CELF2: variants seen among roughly 807,000 people sequenced by gnomAD.
CELF2 encodes the protein CUGBP Elav-like family member 2, also known as CUG triplet repeat RNA-binding protein 2.
Under a neutral mutation model 62.6 loss-of-function variants are expected in CELF2, and 8 were observed. The ratio of observed to expected loss-of-function variants is 0.13; its 90% confidence interval spans 0.07 to 0.23. The LOEUF is 0.23. CELF2 is among the 10% of genes least tolerant of loss of function. CELF2 has a pLI of 1.00. For missense variants in CELF2, 333 were observed against 671.0 expected (o/e 0.50, Z 5.56); for synonymous variants, 258 against 250.0 (o/e 1.03, Z -0.30).
intron 1 of CELF2, among the ~76,000 whole-genome samples, chr10:10,897,331 T>C (rs1355589618): frequency 2.6e-5 from 4 of 152,116 alleles, no homozygotes; most frequent in African/African-American, 9.7e-5. Flanking sequence ...TGAATTGCCT[T>C]GTAGGGTCCG....
Position 11,165,174 on chromosome 10 carries a change from G to T in CELF2, c.75-312G>T. 1 of 1,210,454 alleles carries T rather than the reference G, an allele frequency of 8.3e-7. No individual in the cohort carries two copies. The highest frequency in any genetic ancestry group is 1.0e-6 in the Non-Finnish European group (1 of 965,218). The allele number at this position is 1,210,454 out of a possible 1,614,324, so 75.0% of individuals were successfully genotyped here. ...ATGGCAGCCTTGCAGAGCTAGACCT[G>T]CACTTAACTTGCAGCTGCCTCCCGA... On this transcript the variant is annotated intron_variant, in intron 1 of 12. Transcript: ENST00000633077. This position sits in a 1 kb window ranked among gnomAD's most constrained non-coding sequence, Gnocchi z 7.4.
intron 1 of CELF2, among the ~76,000 whole-genome samples, chr10:11,063,389 C>T (rs2067291696): frequency 6.6e-6 from 1 of 152,158 alleles, no homozygotes; most frequent in Non-Finnish European, 1.5e-5. Flanking sequence ...CATGACTTAT[C>T]TATAAAATCT....
intron 1 of CELF2, among the ~76,000 whole-genome samples, chr10:11,099,881 C>CAAA (rs1554835241): frequency 4.5e-5 from 6 of 133,756 alleles, no homozygotes; most frequent in East Asian, 2.5e-4. Context: ...ACAACAACAA[C>CAAA]AACAAAAAAA....
upstream of CELF2, among the ~76,000 whole-genome samples, chr10:11,004,345 A>T (rs12250827): frequency 8.6e-3 from 1,304 of 152,172 alleles, 23 homozygotes; most frequent in African/African-American, 0.03. This position sits in a 1 kb window ranked among gnomAD's most constrained non-coding sequence, Gnocchi z 5.0. Context: ...CTCCTGGAAT[A>T]GTGCCTTAGC....
chr10:11,150,578 C>T (rs1418089937), intron 1 of CELF2, among the ~76,000 whole-genome samples: 2 of 152,224 alleles, frequency 1.3e-5, no homozygotes, highest in Non-Finnish European at 2.9e-5. Context: ...ACAGTGGCTG[C>T]ACTGAGCTCC....
the CELF2 span, among the ~76,000 whole-genome samples, chr10:10,644,316 G>A: frequency 5.9e-5 from 9 of 152,232 alleles, no homozygotes; most frequent in East Asian, 1.7e-3. Flanking sequence ...CATCTCATTA[G>A]TTTTTCTTAT....
chr10:10,666,303 G>C, the CELF2 span, among the ~76,000 whole-genome samples: 497 of 152,250 alleles, frequency 3.3e-3, 2 homozygotes, highest in African/African-American at 0.011. Flanking sequence ...TGTTGGCTCC[G>C]TGTCTCTCAA....
chr10:10,969,490 C>A (rs1339030594), intron 2 of CELF2, among the ~76,000 whole-genome samples: 3 of 152,130 alleles, frequency 2.0e-5, no homozygotes, highest in Admixed American at 6.5e-5. Context: ...AGTTTACATA[C>A]CAATAACAAA....
chr10:10,826,724 G>A (rs1430707482), intron 1 of CELF2, among the ~76,000 whole-genome samples: 1 of 152,212 alleles, frequency 6.6e-6, no homozygotes, highest in African/African-American at 2.4e-5. Flanking sequence ...AAATACCCAT[G>A]AGAGCACCTG....
chr10:11,076,985 G>C (rs892747530), intron 1 of CELF2, among the ~76,000 whole-genome samples: 1 of 152,160 alleles, frequency 6.6e-6, no homozygotes, highest in Non-Finnish European at 1.5e-5. Context: ...ATAATACCTG[G>C]CTTTGAATTC....
the CELF2 span, among the ~76,000 whole-genome samples, chr10:10,726,309 A>G: frequency 6.6e-6 from 1 of 152,062 alleles, no homozygotes; most frequent in Non-Finnish European, 1.5e-5. Context: ...TCCAGGGGTC[A>G]TTGTCCATGT....
chr10:10,513,805 C>T, the CELF2 span, among the ~76,000 whole-genome samples: 1 of 152,150 alleles, frequency 6.6e-6, no homozygotes, highest in Non-Finnish European at 1.5e-5. Context: ...GGGACAAAAG[C>T]AATATATGTT....
intron 4 of CELF2, among the ~76,000 whole-genome samples, chr10:11,254,438 C>A (rs1446066534): frequency 6.6e-6 from 1 of 152,180 alleles, no homozygotes; most frequent in Non-Finnish European, 1.5e-5. Context: ...TTGGCTAATA[C>A]TTGATATTTT....
intron 1 of CELF2, among the ~76,000 whole-genome samples, chr10:10,909,045 C>T (rs1002111568): frequency 6.6e-6 from 1 of 152,222 alleles, no homozygotes; most frequent in Admixed American, 6.5e-5. Flanking sequence ...CTGCCTCAGC[C>T]TCCCAAAGTG....
chr10:10,617,312 T>C, the CELF2 span, among the ~76,000 whole-genome samples: 1 of 152,132 alleles, frequency 6.6e-6, no homozygotes, highest in Non-Finnish European at 1.5e-5. Flanking sequence ...GGGTGAGTCA[T>C]ATAATATTCA....
chr10:10,627,176 C>T, the CELF2 span, among the ~76,000 whole-genome samples: 2 of 152,154 alleles, frequency 1.3e-5, no homozygotes, highest in African/African-American at 2.4e-5. Context: ...GGTGAACAAA[C>T]GTCAGAGAGG....
chr10:10,478,771 A>T, the CELF2 span, among the ~76,000 whole-genome samples: 1 of 152,218 alleles, frequency 6.6e-6, no homozygotes, highest in Non-Finnish European at 1.5e-5. Context: ...TTTTGGAAGC[A>T]GACCTCCATC....
chr10:10,647,721 T>C, the CELF2 span, among the ~76,000 whole-genome samples: 1 of 152,242 alleles, frequency 6.6e-6, no homozygotes, highest in African/African-American at 2.4e-5. Flanking sequence ...TGCTTTCTTT[T>C]AAAACTTTGT....
intron 2 of CELF2, among the ~76,000 whole-genome samples, chr10:10,958,617 GAC>G: frequency 6.6e-6 from 1 of 152,138 alleles, no homozygotes; most frequent in Non-Finnish European, 1.5e-5. Context: ...GCCCAGGCAG[GAC>G]GAACACTTGA....
Sources: gnomAD v4.1 joint callset for allele counts (sites outside exome capture counted in the v4.1 genomes callset) on GRCh38, gnomAD v4.1.1 for gene constraint, Gnocchi (gnomAD v3.1) non-coding constraint, MANE v1.5 for transcripts, NCBI Gene and HGNC (gene_info 2026-07-23, HGNC 2026-07-21) for gene names.